The following TAS2R1 variants were observed in gnomAD, a reference collection of about 807,000 sequenced individuals.
TAS2R1 encodes taste 2 receptor member 1, also known as taste receptor type 2 member 1.
For synonymous variants in TAS2R1, 141 were observed against 134.2 expected, an observed-to-expected ratio of 1.05 and a Z score of -0.35; for missense variants, 370 against 353.4, an observed-to-expected ratio of 1.05 and a Z score of -0.38.
intron 1 of TAS2R1, among the ~76,000 whole-genome samples, chr5:9,675,929 T>A (rs929769280): frequency 5.9e-5 from 9 of 152,314 alleles, no homozygotes; most frequent in South Asian, 4.1e-4. Flanking sequence ...CTTGTCTTGC[T>A]TATGATCTTA....
chr5:9,796,719 TGG>T, the TAS2R1 span, among the ~76,000 whole-genome samples: 1 of 89,408 alleles, frequency 1.1e-5, no homozygotes, highest in Non-Finnish European at 2.1e-5. Flanking sequence ...AGCTATTTTC[TGG>T]AAAAAAAAAA....
chr5:9,772,947 T>TCAG, the TAS2R1 span, among the ~76,000 whole-genome samples: 1 of 152,138 alleles, frequency 6.6e-6, no homozygotes, highest in Non-Finnish European at 1.5e-5. Flanking sequence ...TTTCATCCAT[T>TCAG]CAGCCACTCT....
chr5:9,859,938 T>G, the TAS2R1 span, among the ~76,000 whole-genome samples: 1 of 152,232 alleles, frequency 6.6e-6, no homozygotes, highest in East Asian at 1.9e-4. Flanking sequence ...AAAAGTACTG[T>G]GTGCATTGTT....
the TAS2R1 span, among the ~76,000 whole-genome samples, chr5:9,797,660 G>A: frequency 6.6e-6 from 1 of 152,080 alleles, no homozygotes; most frequent in Non-Finnish European, 1.5e-5. Context: ...CAGGAATCAG[G>A]AAAAATTAGT....
the TAS2R1 span, among the ~76,000 whole-genome samples, chr5:9,793,464 G>A: frequency 6.6e-6 from 1 of 152,144 alleles, no homozygotes; most frequent in African/African-American, 2.4e-5. Context: ...ACAGTAAATG[G>A]GAAAACCTTA....
chr5:9,896,891 G>A, the TAS2R1 span, among the ~76,000 whole-genome samples: 1 of 152,176 alleles, frequency 6.6e-6, no homozygotes. Context: ...CAACTTTGGG[G>A]CTAAGAAGGG....
chr5:9,849,286 A>G, the TAS2R1 span, among the ~76,000 whole-genome samples: 1 of 152,192 alleles, frequency 6.6e-6, no homozygotes, highest in African/African-American at 2.4e-5. Flanking sequence ...ATATTTAACC[A>G]CCATTCTGTA....
chr5:9,692,016 A>C (rs1461270590), intron 1 of TAS2R1, among the ~76,000 whole-genome samples: 1 of 152,136 alleles, frequency 6.6e-6, no homozygotes, highest in Non-Finnish European at 1.5e-5. Flanking sequence ...TTCCATTCTC[A>C]GCTGTCCTCT....
the TAS2R1 span, among the ~76,000 whole-genome samples, chr5:9,735,091 G>A: frequency 1.3e-5 from 2 of 151,402 alleles, no homozygotes; most frequent in East Asian, 1.9e-4. Context: ...GGTGACAGGA[G>A]AGAGCGAGCA....
At chr5:9,886,280 C>T in the TAS2R1 span, among the ~76,000 whole-genome samples, 1 of 151,592 alleles carries the variant, frequency 6.6e-6, no homozygotes, top group Non-Finnish European at 1.5e-5. Flanking sequence ...AATTCACCGG[C>T]CTCAGCCTCC....
Position 9,629,672 on chromosome 5 carries a change from T to G in TAS2R1, c.361A>C (p.Arg121=). Residue 121 remains arginine (R), a synonymous_variant, in exon 1 of 1, where the codon AGG becomes CGG. Coordinates refer to ENST00000382492, the MANE Select transcript of TAS2R1 (RefSeq NM_019599.3). The part of the protein sequence containing the change: ...RHPLFIWLKM[R]ISKLVPWMIL... ...ATCCATGGGACCAGCTTGGATATCC[T>G]CATCTTCAACCAGATGAAGAGTGGG... 1 of 1,614,134 alleles carries G rather than the reference T, an allele frequency of 6.2e-7. No individual in the cohort carries two copies. Among genetic ancestry groups the G allele is most frequent in the East Asian group, 2.2e-5 (1 of 44,880 alleles).
the TAS2R1 span, among the ~76,000 whole-genome samples, chr5:9,753,859 G>C: frequency 0.027 from 4,066 of 152,260 alleles, 56 homozygotes; most frequent in Non-Finnish European, 0.033. Context: ...GATGGTTGTA[G>C]ATATGCGGCA....
rs867677795 is a variant in TAS2R1, at chr5:9,629,655, G to A, written c.378C>T (p.Val126=). The A allele has an allele frequency of 6.2e-7, 1 of 1,614,088 alleles. No homozygotes were observed. Among genetic ancestry groups the A allele is most frequent in the Non-Finnish European group, 8.5e-7 (1 of 1,180,004 alleles). The change falls in exon 1 of 1, where the codon GTC becomes GTT. Residue 126 remains valine, a synonymous_variant. Transcript: ENST00000382492. ...IWLKMRISKL[V]PWMILGSLLY... is the part of the protein sequence containing the mutation. ...GCAGAGACCCCAGGATCATCCATGG[G>A]ACCAGCTTGGATATCCTCATCTTCA...
chr5:9,650,240 T>A lies in TAS2R1; in HGVS notation c.-81+9181A>T, dbSNP rs148432806. Among the ~76,000 whole-genome samples the A allele has an allele frequency of 7.5e-3, 1,143 of 152,268 alleles. 23 individuals carry two copies. Among genetic ancestry groups the A allele is most frequent in the African/African-American group, 0.026 (1,093 of 41,558 alleles). On this transcript the variant is annotated intron_variant, in intron 2 of 2. Transcript: ENST00000506620. ...TATAATCTTACGTACTTGCTGGATT[T>A]GTTTGTGGTTGCCTTTGCCAAAGGA...
At chr5:9,877,771 T>C in the TAS2R1 span, among the ~76,000 whole-genome samples, 4 of 152,258 alleles carry the variant, frequency 2.6e-5, no homozygotes, top group Non-Finnish European at 5.9e-5. Flanking sequence ...GCTTAATGTA[T>C]CAGAACTCAA....
the TAS2R1 span, among the ~76,000 whole-genome samples, chr5:9,796,321 C>T: frequency 6.6e-6 from 1 of 152,142 alleles, no homozygotes; most frequent in Admixed American, 6.5e-5. Flanking sequence ...CCCACTGGGC[C>T]CAGGCACCAG....
intron 1 of TAS2R1, among the ~76,000 whole-genome samples, chr5:9,676,310 A>G (rs1424937278): frequency 6.6e-6 from 1 of 152,190 alleles, no homozygotes; most frequent in Non-Finnish European, 1.5e-5. Flanking sequence ...AATATCCAAT[A>G]CAATGCTGAA....
the TAS2R1 span, among the ~76,000 whole-genome samples, chr5:9,838,223 T>A: frequency 6.6e-6 from 1 of 152,162 alleles, no homozygotes. Flanking sequence ...TCTGTAAAAG[T>A]GCCCAGGAAT....
At chr5:9,892,776 G>C in the TAS2R1 span, among the ~76,000 whole-genome samples, 2 of 152,262 alleles carry the variant, frequency 1.3e-5, no homozygotes, top group East Asian at 1.9e-4. Flanking sequence ...GATAGAAGAA[G>C]CAGGCTATGA....
Sources: allele counts gnomAD v4.1 joint callset (sites outside exome capture counted in the v4.1 genomes callset), GRCh38; gene constraint gnomAD v4.1.1; transcripts MANE v1.5; gene names NCBI Gene and HGNC (gene_info 2026-07-23, HGNC 2026-07-21).